MCTP2: variants seen among roughly 807,000 people sequenced by gnomAD.
MCTP2 encodes the protein multiple C2 and transmembrane domain-containing protein 2.
Under a neutral mutation model 111.6 loss-of-function variants are expected in MCTP2, and 132 were observed. The ratio of observed to expected loss-of-function variants is 1.18; its 90% CI spans 1.03 to 1.37. The LOEUF (loss-of-function observed/expected upper bound fraction) is 1.37. MCTP2 is among the 40% of genes most tolerant of loss of function. The pLI, the probability that MCTP2 is intolerant of heterozygous loss-of-function variation, is 0.00. For missense variants in MCTP2, 1,183 were observed against 1,067.9 expected (o/e 1.11, Z -1.50); for synonymous variants, 395 against 387.7 (o/e 1.02, Z -0.22).
At chr15:94,407,364 G>A (rs958977823) in intron 17 of MCTP2, among the ~76,000 whole-genome samples, 1 of 152,190 alleles carries the variant, frequency 6.6e-6, no homozygotes, top group Non-Finnish European at 1.5e-5. Context: ...AGGGAGGCAA[G>A]TTTGTGGGGC....
chr15:94,350,798 T>TA (rs1242318774), intron 8 of MCTP2, among the ~76,000 whole-genome samples: 1 of 152,208 alleles, frequency 6.6e-6, no homozygotes, highest in Non-Finnish European at 1.5e-5. Context: ...GCCCAACATA[T>TA]AACTTGAGCT....
At chr15:94,409,013 G>T (rs1180850690) in intron 17 of MCTP2, among the ~76,000 whole-genome samples, 1 of 152,176 alleles carries the variant, frequency 6.6e-6, no homozygotes, top group East Asian at 1.9e-4. Context: ...AGGATTCTGT[G>T]ATGGTGAATA....
chr15:94,241,079 A>G (rs1315764137), intron 1 of MCTP2, among the ~76,000 whole-genome samples: 1 of 152,144 alleles, frequency 6.6e-6, no homozygotes, highest in Non-Finnish European at 1.5e-5. Flanking sequence ...AGCTGGGGTT[A>G]CTTCTCTGAA....
At chr15:94,447,605 G>C (rs1215477763) in intron 19 of MCTP2, among the ~76,000 whole-genome samples, 1 of 151,580 alleles carries the variant, frequency 6.6e-6, no homozygotes, top group Non-Finnish European at 1.5e-5. Context: ...TGAAACTCCT[G>C]GCCTCATGTG....
intron 13 of MCTP2, among the ~76,000 whole-genome samples, chr15:94,385,222 T>C (rs2080388100): frequency 6.6e-6 from 1 of 152,202 alleles, no homozygotes; most frequent in Non-Finnish European, 1.5e-5. Flanking sequence ...GACTTCTTTT[T>C]TTCATATGGA....
At chr15:94,341,121 T>C in intron 7 of MCTP2, 197 bp downstream of exon 7, 1 of 509,660 alleles carries the variant, frequency 2.0e-6, no homozygotes, top group Non-Finnish European at 3.5e-6. Context: ...AGGAAATTTG[T>C]TAAGGAATTA....
At chr15:94,391,915 C>T (rs1242869824) in intron 14 of MCTP2, among the ~76,000 whole-genome samples, 1 of 152,136 alleles carries the variant, frequency 6.6e-6, no homozygotes, top group African/African-American at 2.4e-5. Flanking sequence ...AAACCTCTTA[C>T]ATGGATTCAA....
chr15:94,449,474 C>A (rs984996757), intron 19 of MCTP2, among the ~76,000 whole-genome samples: 14 of 152,302 alleles, frequency 9.2e-5, no homozygotes, highest in Admixed American at 6.5e-4. Context: ...GTGAAGGAAA[C>A]CTGTCATTAA....
intron 8 of MCTP2, 95 bp downstream of exon 8, chr15:94,345,259 T>C: frequency 8.4e-7 from 1 of 1,185,824 alleles, no homozygotes. Context: ...ACCCAATCTT[T>C]ACATCAAACA....
chr15:94,424,195 A>C, intron 17 of MCTP2, among the ~76,000 whole-genome samples: 1 of 152,200 alleles, frequency 6.6e-6, no homozygotes, highest in Admixed American at 6.5e-5. Context: ...TTTGATATTC[A>C]TCTATGTAGT....
intron 17 of MCTP2, among the ~76,000 whole-genome samples, chr15:94,427,948 A>T (rs1020923761): frequency 1.3e-5 from 2 of 152,170 alleles, no homozygotes; most frequent in African/African-American, 4.8e-5. Flanking sequence ...CAACAATAGT[A>T]TCGGAATTCT....
In MCTP2 at chr15:94,243,984, CAT is replaced by C. The variant is rs750585844; in HGVS notation, c.-66+12323_-66+12324del. Among the ~76,000 whole-genome samples, 29 of 145,880 alleles carry C rather than the reference CAT, an allele frequency of 2.0e-4. 1 individual carries two copies. Among genetic ancestry groups the C allele is most frequent in the East Asian group, 8.4e-4 (4 of 4,742 alleles). On this transcript the variant is annotated intron_variant, in intron 1 of 22. Transcript: ENST00000357742. The stretch of plus-strand genomic sequence containing the variant: ...TTACACACACATATGTATACACATA[CAT>C]ATGTGTATATATTTATGCACACATA...
At chr15:94,271,830 A>G (rs2073921633) in intron 1 of MCTP2, among the ~76,000 whole-genome samples, 1 of 152,208 alleles carries the variant, frequency 6.6e-6, no homozygotes, top group Admixed American at 6.5e-5. Flanking sequence ...TTTGGAACAT[A>G]TGCATAAAGT....
intron 1 of MCTP2, among the ~76,000 whole-genome samples, chr15:94,264,212 G>C (rs1321530640): frequency 6.6e-6 from 1 of 152,154 alleles, no homozygotes; most frequent in Non-Finnish European, 1.5e-5. Context: ...GTGGGCTCTG[G>C]TTTCAGATGG....
chr15:94,441,650 A>G (rs1596722613), intron 18 of MCTP2, among the ~76,000 whole-genome samples: 1 of 152,342 alleles, frequency 6.6e-6, no homozygotes, highest in East Asian at 1.9e-4. Flanking sequence ...TTAGTTCGAT[A>G]ACACAACTAT....
chr15:94,417,956 C>T (rs776032323), intron 17 of MCTP2, among the ~76,000 whole-genome samples: 3 of 152,044 alleles, frequency 2.0e-5, no homozygotes, highest in African/African-American at 2.4e-5. Flanking sequence ...CTTTTAGTGC[C>T]AGAAATAAAG....
intron 1 of MCTP2, among the ~76,000 whole-genome samples, chr15:94,246,518 C>G (rs771291466): frequency 6.6e-6 from 1 of 152,150 alleles, no homozygotes; most frequent in Admixed American, 6.6e-5. Flanking sequence ...GGTGGAGAGA[C>G]TCATTTAACT....
At chr15:94,269,495 T>A (rs1667719417) in intron 1 of MCTP2, among the ~76,000 whole-genome samples, 1 of 152,202 alleles carries the variant, frequency 6.6e-6, no homozygotes. Context: ...ATGATTGCCT[T>A]ATGAAGATTA....
chr15:94,324,159 C>T (rs1022231527), intron 4 of MCTP2, among the ~76,000 whole-genome samples: 1 of 152,102 alleles, frequency 6.6e-6, no homozygotes. Flanking sequence ...GGAATGTGGC[C>T]GAGGAGGAGG....
Sources: allele counts gnomAD v4.1 joint callset (sites outside exome capture counted in the v4.1 genomes callset), GRCh38; gene constraint gnomAD v4.1.1; transcripts MANE v1.5; gene names NCBI Gene and HGNC (gene_info 2026-07-23, HGNC 2026-07-21).